The following GLCE variants were observed in gnomAD, a reference collection of about 807,000 sequenced individuals.
The protein encoded by GLCE is D-glucuronyl C5-epimerase.
GLCE carries 19 observed loss-of-function variants against 47.9 expected under a neutral mutation model. The ratio of observed to expected loss-of-function variants is 0.40; its 90% confidence interval spans 0.28 to 0.58. GLCE has a LOEUF of 0.58. GLCE is among the 20% of genes least tolerant of loss of function. GLCE has a pLI of 0.48. For missense variants in GLCE, 556 were observed against 743.3 expected, an observed-to-expected ratio of 0.75 and a Z score of 2.93; for synonymous variants, 245 against 263.4, an observed-to-expected ratio of 0.93 and a Z score of 0.68.
intron 1 of GLCE, among the ~76,000 whole-genome samples, chr15:69,179,375 G>A (rs1566948328): frequency 6.6e-6 from 1 of 152,300 alleles, no homozygotes; most frequent in African/African-American, 2.4e-5. Flanking sequence ...TTCAAACCCT[G>A]CTGGTAACAT....
intron 2 of GLCE, among the ~76,000 whole-genome samples, chr15:69,250,132 T>C (rs1198330184): frequency 6.6e-6 from 1 of 152,180 alleles, no homozygotes; most frequent in Non-Finnish European, 1.5e-5. Context: ...CAATCTATTT[T>C]GTAGATGTGG....
chr15:69,164,397 T>A (rs1201279216), intron 1 of GLCE, among the ~76,000 whole-genome samples: 1 of 151,712 alleles, frequency 6.6e-6, no homozygotes, highest in Admixed American at 6.6e-5. Context: ...CTTGGATAAT[T>A]CCTTAATCTT....
intron 4 of GLCE, among the ~76,000 whole-genome samples, chr15:69,262,829 T>C (rs905857228): frequency 2.0e-5 from 3 of 152,192 alleles, no homozygotes; most frequent in African/African-American, 7.2e-5. Flanking sequence ...GGAAGCGTGC[T>C]AGCTGGGAAT....
At chr15:69,223,808 A>G (rs539319494) in intron 2 of GLCE, among the ~76,000 whole-genome samples, 2 of 150,980 alleles carry the variant, frequency 1.3e-5, no homozygotes, top group Non-Finnish European at 2.9e-5. Flanking sequence ...CAATTGTCCT[A>G]TCTTAAAGTT....
intron 1 of GLCE, among the ~76,000 whole-genome samples, chr15:69,168,266 C>CA (rs978888880): frequency 2.0e-5 from 3 of 151,392 alleles, no homozygotes; most frequent in East Asian, 1.9e-4. Flanking sequence ...GACCCTGTCT[C>CA]AAAAAAAAGA....
chr15:69,267,040 A>G (rs901003231), intron 4 of GLCE, among the ~76,000 whole-genome samples: 2 of 140,242 alleles, frequency 1.4e-5, no homozygotes, highest in Non-Finnish European at 3.1e-5. Flanking sequence ...TGTACTACGT[A>G]TATTTTTGTT....
chr15:69,250,591 A>G (rs1013582257), intron 2 of GLCE, among the ~76,000 whole-genome samples: 3 of 151,710 alleles, frequency 2.0e-5, no homozygotes, highest in Non-Finnish European at 2.9e-5. Context: ...CAATCCCACT[A>G]CTGATCATCA....
chr15:69,214,164 C>A (rs1017036307), intron 2 of GLCE, among the ~76,000 whole-genome samples: 1 of 152,098 alleles, frequency 6.6e-6, no homozygotes, highest in Non-Finnish European at 1.5e-5. Context: ...AAACCAGCAT[C>A]TGGGTGCTAG....
intron 3 of GLCE, among the ~76,000 whole-genome samples, chr15:69,258,778 A>G (rs571105098): frequency 2.6e-5 from 4 of 152,352 alleles, no homozygotes; most frequent in African/African-American, 9.6e-5. Context: ...TATATAATAA[A>G]TTAAGATCAA....
chr15:69,189,319 G>A (rs542791565), intron 1 of GLCE, among the ~76,000 whole-genome samples: 2 of 152,128 alleles, frequency 1.3e-5, no homozygotes, highest in Admixed American at 6.5e-5. Context: ...CTTCTTTCAC[G>A]TAGTAATATA....
At chr15:69,246,781 T>C (rs1370567034) in intron 2 of GLCE, among the ~76,000 whole-genome samples, 2 of 151,206 alleles carry the variant, frequency 1.3e-5, no homozygotes, top group Admixed American at 6.6e-5. Context: ...TCAGAATGAA[T>C]GTTGTGTTAG....
intron 1 of GLCE, among the ~76,000 whole-genome samples, chr15:69,171,436 G>A (rs954932075): frequency 6.7e-5 from 10 of 148,704 alleles, no homozygotes; most frequent in Non-Finnish European, 1.0e-4. Context: ...TCGCACTGTC[G>A]CCCGGGCTGG....
At chr15:69,265,470 G>T (rs2053072412) in intron 4 of GLCE, among the ~76,000 whole-genome samples, 5 of 152,168 alleles carry the variant, frequency 3.3e-5, no homozygotes, top group Non-Finnish European at 2.9e-5. Flanking sequence ...TAAGATTGTT[G>T]TGAAGATTAT....
chr15:69,239,628 G>C (rs113327904), intron 2 of GLCE, among the ~76,000 whole-genome samples: 2 of 152,066 alleles, frequency 1.3e-5, no homozygotes, highest in East Asian at 3.9e-4. Flanking sequence ...CACCAAAAAG[G>C]AAGTGTTCAC....
rs185909060 is a variant in GLCE at position 69,247,240 on chromosome 15, C to T, written c.-13-8554C>T. ...TGGCTGCTTTCATCAATGATCTTAGCTAGAGCTTCTGAATAACTTGCTGTA... is the reference window on the plus strand; with the variant it reads ...TGGCTGCTTTCATCAATGATCTTAGTTAGAGCTTCTGAATAACTTGCTGTA... On this transcript the variant is annotated intron_variant, in intron 2 of 4. Transcript: ENST00000261858. Among the ~76,000 whole-genome samples, 23 of 152,352 alleles carry T rather than the reference C, an allele frequency of 1.5e-4. No individual in the cohort carries two copies. The East Asian group carries it at 4.4e-3, about 29-fold the overall frequency.
intron 2 of GLCE, among the ~76,000 whole-genome samples, chr15:69,221,555 A>G (rs1014583108): frequency 2.5e-5 from 3 of 121,278 alleles, no homozygotes; most frequent in Admixed American, 1.0e-4. Flanking sequence ...GTTATTATAT[A>G]GAAATTAACT....
chr15:69,178,072 C>T (rs1026293572), intron 1 of GLCE, among the ~76,000 whole-genome samples: 10 of 152,066 alleles, frequency 6.6e-5, no homozygotes, highest in African/African-American at 2.4e-4. Context: ...GTGTACGAGT[C>T]TTTATATGGA....
intron 1 of GLCE, among the ~76,000 whole-genome samples, chr15:69,185,224 G>C (rs968952987): frequency 6.6e-6 from 1 of 152,168 alleles, no homozygotes. Context: ...AGAGAGTAGA[G>C]CAATTATTAA....
chr15:69,230,923 A>G (rs551301234), intron 2 of GLCE, among the ~76,000 whole-genome samples: 2 of 152,260 alleles, frequency 1.3e-5, no homozygotes, highest in Non-Finnish European at 2.9e-5. Context: ...TGCATTTTCT[A>G]ACTCCTAGAG....
Sources: gnomAD v4.1 joint callset for allele counts (sites outside exome capture counted in the v4.1 genomes callset) on GRCh38, gnomAD v4.1.1 for gene constraint, MANE v1.5 for transcripts, NCBI Gene and HGNC (gene_info 2026-07-23, HGNC 2026-07-21) for gene names.